The following KIRREL3 variants were observed in gnomAD, a reference collection of about 807,000 sequenced individuals.
KIRREL3 encodes the protein kin of IRRE-like protein 3.
Under a neutral mutation model 89.7 loss-of-function variants are expected in KIRREL3, and 36 were observed. The observed-to-expected ratio is 0.40, with a 90% confidence interval of 0.31 to 0.53. KIRREL3 has a LOEUF of 0.53. KIRREL3 is among the 20% of genes least tolerant of loss of function. KIRREL3 has a pLI of 0.49. For missense variants in KIRREL3, 864 were observed against 1,056.6 expected (o/e 0.82, Z 2.53); for synonymous variants, 445 against 441.4 (o/e 1.01, Z -0.10).
chr11:126,723,420 A>G lies in KIRREL3; in HGVS notation c.56-160508T>C, dbSNP rs908034525. On this transcript the variant is annotated intron_variant, in intron 1 of 16. Coordinates refer to ENST00000525144, the MANE Select transcript of KIRREL3 (RefSeq NM_032531.4). This position sits in a 1 kb window ranked among gnomAD's most constrained non-coding sequence, Gnocchi z 4.0. ...AGGCTCTGTTTCATTTCACTCTACC[A>G]TAAAGAGGTAACAATTTAAAAAAAT... Among the ~76,000 whole-genome samples the G allele has an allele frequency of 2.0e-5, 3 of 152,168 alleles. No homozygotes were observed. The highest frequency in any genetic ancestry group is 4.4e-5 in the Non-Finnish European group (3 of 68,044).
intron 1 of KIRREL3, among the ~76,000 whole-genome samples, chr11:126,827,412 G>C (rs755496266): frequency 6.6e-6 from 1 of 152,042 alleles, no homozygotes; most frequent in Non-Finnish European, 1.5e-5. Flanking sequence ...TCCTGACCTC[G>C]TGATTCATCC....
chr11:126,878,470 G>A (rs964795565), intron 1 of KIRREL3, among the ~76,000 whole-genome samples: 2 of 151,836 alleles, frequency 1.3e-5, no homozygotes, highest in Non-Finnish European at 2.9e-5. Context: ...TAAGAAAAAC[G>A]AGAGAAAAAA....
chr11:126,957,840 A>C (rs1279670212), intron 1 of KIRREL3, among the ~76,000 whole-genome samples: 1 of 152,260 alleles, frequency 6.6e-6, no homozygotes, highest in Non-Finnish European at 1.5e-5. Flanking sequence ...GTTTGGTGCC[A>C]ACTTTACCAT....
In KIRREL3 at chr11:126,776,294, G is replaced by A. The variant is rs563535509; in HGVS notation, c.56-213382C>T. Among the ~76,000 whole-genome samples, 6 of 152,292 alleles carry A rather than the reference G, an allele frequency of 3.9e-5. No individual in the cohort carries two copies. The highest frequency in any genetic ancestry group is 1.2e-4 in the African/African-American group (5 of 41,558). On this transcript the variant is annotated intron_variant, in intron 1 of 16. Transcript: ENST00000525144. This position sits in a 1 kb window ranked among gnomAD's most constrained non-coding sequence, Gnocchi z 4.7. ...GACTTGGAAGGGAATGTGTGCTTCCGGTGGAGTTTGCTGAAGTGCCATGGA... is the reference window on the plus strand; with the variant it reads ...GACTTGGAAGGGAATGTGTGCTTCCAGTGGAGTTTGCTGAAGTGCCATGGA...
chr11:126,628,271 G>A lies in KIRREL3; in HGVS notation c.56-65359C>T, dbSNP rs2134870837. ...CTGTCAGACTCTTTCTCTCCAGCCT[G>A]GCCTCGCCTTCTCTGTGAGAAGGAA... On this transcript the variant is annotated intron_variant, in intron 1 of 16. Transcript: ENST00000525144. This position sits in a 1 kb window ranked among gnomAD's most constrained non-coding sequence, Gnocchi z 5.2. Among the ~76,000 whole-genome samples the A allele has an allele frequency of 6.6e-6, 1 of 152,256 alleles. No individual in the cohort carries two copies. The highest frequency in any genetic ancestry group is 6.5e-5 in the Admixed American group (1 of 15,310).
Position 126,989,847 on chromosome 11 carries a change from C to A in KIRREL3, c.55+10608G>T, listed in dbSNP as rs1949973646. 1.3e-5 allele frequency among the ~76,000 whole-genome samples: 2 copies of A among 152,166 alleles called. No homozygotes were observed. The highest frequency in any genetic ancestry group is 1.3e-4 in the Admixed American group (2 of 15,272). On this transcript the variant is annotated intron_variant, in intron 1 of 16. Coordinates refer to ENST00000525144, the MANE Select transcript of KIRREL3 (RefSeq NM_032531.4). This position sits in a 1 kb window ranked among gnomAD's most constrained non-coding sequence, Gnocchi z 6.2. ...TGGAAGGATGTTCAAACAGCCATGGCCCGTGGTGGTTTTTTATAATGGTGT... is the reference window on the plus strand; with the variant it reads ...TGGAAGGATGTTCAAACAGCCATGGACCGTGGTGGTTTTTTATAATGGTGT...
At chr11:126,425,045 G>T (rs1954886960) in intron 16 of KIRREL3, 22 bp from the exon 17 acceptor site, 1 of 1,494,962 alleles carries the variant, frequency 6.7e-7, no homozygotes. Flanking sequence ...AGAGGAAGAG[G>T]AGCGTCACCT....
At position 126,852,550 on chromosome 11, in the gene KIRREL3, A is replaced by G. The variant is rs576872279; in HGVS notation, c.55+147905T>C. Among the ~76,000 whole-genome samples the G allele has an allele frequency of 2.6e-5, 4 of 152,288 alleles. No individual in the cohort carries two copies. In the East Asian group the frequency reaches 5.8e-4, roughly 22 times the overall value. On this transcript the variant is annotated intron_variant, in intron 1 of 16. Transcript: ENST00000525144. ...ATCTGGAGACCGTAAGTCCTCTGGG[A>G]AGGTCAACCAGCATTGTGACTCCAA...
At chr11:126,468,410 C>T (rs760795596) in intron 5 of KIRREL3, among the ~76,000 whole-genome samples, 16 of 152,252 alleles carry the variant, frequency 1.1e-4, no homozygotes, top group South Asian at 2.1e-4. Flanking sequence ...AGGCCCCATC[C>T]GGCAGTGTGG....
intron 1 of KIRREL3, among the ~76,000 whole-genome samples, chr11:126,743,233 G>T (rs564393409): frequency 5.9e-5 from 9 of 152,262 alleles, no homozygotes; most frequent in African/African-American, 1.9e-4. Context: ...CTAAACAGGG[G>T]CAAGTCATTT....
chr11:126,701,099 C>A (rs1198012777), intron 1 of KIRREL3, among the ~76,000 whole-genome samples: 5 of 152,192 alleles, frequency 3.3e-5, no homozygotes, highest in Non-Finnish European at 7.3e-5. Context: ...GCCATTTGAA[C>A]AAGGTAGCTA....
In KIRREL3 at chr11:126,484,858, C is replaced by T. The variant is rs1171188502; in HGVS notation, c.434-11392G>A. On this transcript the variant is annotated intron_variant, in intron 4 of 16. Transcript: ENST00000525144. The surrounding 1 kb of genome is among the most constrained non-coding windows in gnomAD (Gnocchi z 5.2). ...GAGACGGAGTCTCGCTCTTGTCACC[C>T]AGGCTGGAGTGCAATGGCACAATGT... 6.6e-6 allele frequency among the ~76,000 whole-genome samples: 1 copy of T among 151,130 alleles called. No individual in the cohort carries two copies. Among genetic ancestry groups the T allele is most frequent in the Admixed American group, 6.6e-5 (1 of 15,150 alleles).
chr11:126,642,510 T>A lies in KIRREL3; in HGVS notation c.56-79598A>T, dbSNP rs1944509746. On this transcript the variant is annotated intron_variant, in intron 1 of 16. Coordinates refer to ENST00000525144, the MANE Select transcript of KIRREL3 (RefSeq NM_032531.4). The surrounding 1 kb of genome is among the most constrained non-coding windows in gnomAD (Gnocchi z 4.9). Reference sequence around the variant, plus strand: ...TCTGCCCTGCACTTTCCATTCCCCATCCCCTTTCCTCTGCCTTTTCCAAGC... The same window carrying A: ...TCTGCCCTGCACTTTCCATTCCCCAACCCCTTTCCTCTGCCTTTTCCAAGC... 1.3e-5 allele frequency among the ~76,000 whole-genome samples: 2 copies of A among 152,154 alleles called. No homozygotes were observed. Among genetic ancestry groups the A allele is most frequent in the African/African-American group, 4.8e-5 (2 of 41,440 alleles).
At position 126,752,573 on chromosome 11, in the gene KIRREL3, G is replaced by A. The variant is rs959823509; in HGVS notation, c.56-189661C>T. Among the ~76,000 whole-genome samples the A allele has an allele frequency of 2.0e-5, 3 of 152,102 alleles. No homozygotes were observed. The highest frequency in any genetic ancestry group is 2.9e-5 in the Non-Finnish European group (2 of 68,022). On this transcript the variant is annotated intron_variant, in intron 1 of 16. Coordinates refer to ENST00000525144, the MANE Select transcript of KIRREL3 (RefSeq NM_032531.4). This position sits in a 1 kb window ranked among gnomAD's most constrained non-coding sequence, Gnocchi z 4.8. ...GAATACTTAACTCTCTCAAGTTTGG[G>A]TACAATTTCTAAGAATCTATAGTTT...
At chr11:126,466,368 G>A (rs1341609829) in intron 5 of KIRREL3, among the ~76,000 whole-genome samples, 3 of 152,236 alleles carry the variant, frequency 2.0e-5, no homozygotes, top group South Asian at 2.1e-4. Context: ...CCCCTAGCTC[G>A]CGGGGGACCC....
rs1453501635 is a variant in KIRREL3, at chr11:126,943,165, AC to A, written c.55+57289del. ...TAGGCCTGGGTGCTGCTCCTGCTCCACTGGGGCCTTCTCTTTGGGGTCTCAG... is the reference window on the plus strand; with the variant it reads ...TAGGCCTGGGTGCTGCTCCTGCTCCATGGGGCCTTCTCTTTGGGGTCTCAG... On this transcript the variant is annotated intron_variant, in intron 1 of 16. Transcript: ENST00000525144. The surrounding 1 kb of genome is among the most constrained non-coding windows in gnomAD (Gnocchi z 4.2). Among the ~76,000 whole-genome samples, 1 of 152,144 alleles carries A rather than the reference AC, an allele frequency of 6.6e-6. No homozygotes were observed. The highest frequency in any genetic ancestry group is 1.5e-5 in the Non-Finnish European group (1 of 68,030).
chr11:126,963,833 A>C (rs1234160689), intron 1 of KIRREL3, among the ~76,000 whole-genome samples: 1 of 152,192 alleles, frequency 6.6e-6, no homozygotes, highest in East Asian at 1.9e-4. Flanking sequence ...AAGTGGTTAA[A>C]AGTGCCACCC....
intron 2 of KIRREL3, among the ~76,000 whole-genome samples, chr11:126,545,853 C>T (rs1450649825): frequency 1.3e-5 from 2 of 152,124 alleles, no homozygotes; most frequent in East Asian, 3.9e-4. Context: ...CAGGGCAGGG[C>T]CCCCACTGGC....
At chr11:126,559,113 G>A (rs1476952851) in intron 2 of KIRREL3, among the ~76,000 whole-genome samples, 1 of 152,080 alleles carries the variant, frequency 6.6e-6, no homozygotes, top group African/African-American at 2.4e-5. Context: ...CTGCTTCCAC[G>A]ACTTGCCTGG....
Sources: allele counts gnomAD v4.1 joint callset (sites outside exome capture counted in the v4.1 genomes callset), GRCh38; gene constraint gnomAD v4.1.1; non-coding constraint Gnocchi (gnomAD v3.1); transcripts MANE v1.5; gene names NCBI Gene and HGNC (gene_info 2026-07-23, HGNC 2026-07-21).